The following KIAA1958 variants were observed in gnomAD, a reference collection of about 807,000 sequenced individuals.
KIAA1958 encodes KIAA1958.
KIAA1958 carries 14 observed loss-of-function variants against 47.2 expected under a neutral mutation model. The ratio of observed to expected loss-of-function variants is 0.30; its 90% confidence interval spans 0.20 to 0.46. KIAA1958 has a LOEUF of 0.46. Among genes scored for constraint, KIAA1958 ranks in the 20% least tolerant of loss-of-function variants. KIAA1958 has a pLI of 1.00. For synonymous variants in KIAA1958, 354 were observed against 353.3 expected, an observed-to-expected ratio of 1.00 and a Z score of -0.02; for missense variants, 803 against 909.2, an observed-to-expected ratio of 0.88 and a Z score of 1.50.
At chr9:112,495,344 T>C (rs1458225439) in intron 1 of KIAA1958, among the ~76,000 whole-genome samples, 1 of 152,204 alleles carries the variant, frequency 6.6e-6, no homozygotes, top group Non-Finnish European at 1.5e-5. Context: ...TGGAGAAGGT[T>C]TCTGTGATGG....
At chr9:112,642,950 T>G (rs904228661) in intron 2 of KIAA1958, among the ~76,000 whole-genome samples, 1 of 152,234 alleles carries the variant, frequency 6.6e-6, no homozygotes, top group Non-Finnish European at 1.5e-5. Context: ...GGATTTAGGT[T>G]TCCTTTTTCA....
intron 1 of KIAA1958, among the ~76,000 whole-genome samples, chr9:112,488,321 GGT>G (rs2132749371): frequency 6.6e-6 from 1 of 152,230 alleles, no homozygotes; most frequent in South Asian, 2.1e-4. Context: ...AATACTGTAG[GGT>G]GATGTTTCTG....
At chr9:112,616,238 G>A (rs181334268) in intron 2 of KIAA1958, among the ~76,000 whole-genome samples, 22 of 152,284 alleles carry the variant, frequency 1.4e-4, no homozygotes, top group African/African-American at 4.6e-4. Flanking sequence ...GCTTACTTTT[G>A]TATATTTGAA....
chr9:112,534,096 T>C (rs1018873076), intron 1 of KIAA1958, among the ~76,000 whole-genome samples: 6 of 152,186 alleles, frequency 3.9e-5, no homozygotes, highest in Non-Finnish European at 8.8e-5. Flanking sequence ...CTTAACCTCT[T>C]TGTGCCTTCA....
chr9:112,549,170 A>G (rs888591409), intron 1 of KIAA1958, among the ~76,000 whole-genome samples: 7 of 152,238 alleles, frequency 4.6e-5, no homozygotes, highest in Non-Finnish European at 8.8e-5. Context: ...GTCAAGAAAA[A>G]TATTTCATTC....
intron 1 of KIAA1958, among the ~76,000 whole-genome samples, chr9:112,503,568 G>A (rs980289141): frequency 7.6e-6 from 1 of 131,418 alleles, no homozygotes; most frequent in African/African-American, 2.9e-5. Context: ...AATGAGCTGT[G>A]TTCATACCAC....
rs1166176599 is a variant in KIAA1958, at chr9:112,618,147, A to G, written c.1172-27503A>G. ...TACCTGAAAGAACACAGGTATGGCT[A>G]TAGCATCACCAGGGATAAGGAATTC... is the stretch of plus-strand genomic sequence containing the variant. On this transcript the variant is annotated intron_variant, in intron 2 of 3. Coordinates refer to ENST00000337530, the MANE Select transcript of KIAA1958 (RefSeq NM_133465.4). This position sits in a 1 kb window ranked among gnomAD's most constrained non-coding sequence, Gnocchi z 7.1. 5.8e-6 allele frequency: 9 copies of G among 1,550,586 alleles called. No individual in the cohort carries two copies. Among genetic ancestry groups the G allele is most frequent in the Admixed American group, 2.0e-5 (1 of 50,998 alleles).
intron 1 of KIAA1958, among the ~76,000 whole-genome samples, chr9:112,564,001 G>A (rs1481482796): frequency 6.6e-6 from 1 of 152,032 alleles, no homozygotes; most frequent in African/African-American, 2.4e-5. Context: ...TTTTTCTCCT[G>A]TAGACTGCTA....
intron 2 of KIAA1958, among the ~76,000 whole-genome samples, chr9:112,634,510 C>T (rs1227965554): frequency 1.3e-5 from 2 of 152,138 alleles, no homozygotes; most frequent in East Asian, 1.9e-4. Flanking sequence ...GGATTACAGG[C>T]GTGAGCCACC....
At chr9:112,533,789 A>T (rs1834808254) in intron 1 of KIAA1958, among the ~76,000 whole-genome samples, 1 of 152,076 alleles carries the variant, frequency 6.6e-6, no homozygotes, top group Non-Finnish European at 1.5e-5. Flanking sequence ...TGAGAACAGC[A>T]TGGGGGAAAC....
At chr9:112,538,899 A>G (rs1834896855) in intron 1 of KIAA1958, among the ~76,000 whole-genome samples, 1 of 152,174 alleles carries the variant, frequency 6.6e-6, no homozygotes, top group Admixed American at 6.5e-5. Context: ...ACAAAAAGGC[A>G]TTTTTCCAGT....
At chr9:112,645,891 A>T in intron 3 of KIAA1958, 69 bp downstream of exon 3, 1 of 1,431,122 alleles carries the variant, frequency 7.0e-7, no homozygotes, top group East Asian at 2.3e-5. Flanking sequence ...GCACTGTGCT[A>T]AGCATTGTAG....
chr9:112,593,652 G>A (rs1835964807), intron 2 of KIAA1958, among the ~76,000 whole-genome samples: 3 of 151,796 alleles, frequency 2.0e-5, no homozygotes, highest in Admixed American at 2.0e-4. Flanking sequence ...GCTTCAAGCA[G>A]TCCTCCCACC....
At chr9:112,600,055 A>G (rs756287105) in intron 2 of KIAA1958, among the ~76,000 whole-genome samples, 4 of 152,228 alleles carry the variant, frequency 2.6e-5, no homozygotes, top group Non-Finnish European at 5.9e-5. Flanking sequence ...ATTTAAGAAT[A>G]TATTTTGGCC....
At chr9:112,553,453 G>A (rs967417009) in intron 1 of KIAA1958, among the ~76,000 whole-genome samples, 2 of 152,080 alleles carry the variant, frequency 1.3e-5, no homozygotes, top group Non-Finnish European at 2.9e-5. Context: ...TTTCAGGTGT[G>A]AGCCACCGCA....
intron 1 of KIAA1958, among the ~76,000 whole-genome samples, chr9:112,519,064 G>T (rs1314263678): frequency 6.6e-6 from 1 of 152,000 alleles, no homozygotes; most frequent in African/African-American, 2.4e-5. Context: ...CAAGTAGCTG[G>T]TACTATAGGC....
chr9:112,569,763 G>GGT (rs1835501367), intron 1 of KIAA1958, among the ~76,000 whole-genome samples: 1 of 151,972 alleles, frequency 6.6e-6, no homozygotes, highest in Non-Finnish European at 1.5e-5. Flanking sequence ...TGGGATCACA[G>GGT]GTGTGCGCCT....
intron 2 of KIAA1958, among the ~76,000 whole-genome samples, chr9:112,629,339 T>C (rs1241534352): frequency 1.3e-5 from 2 of 152,202 alleles, no homozygotes; most frequent in East Asian, 3.8e-4. Context: ...TATATATTTT[T>C]TCTGGCCACT....
intron 2 of KIAA1958, among the ~76,000 whole-genome samples, chr9:112,620,240 A>G (rs929557127): frequency 3.3e-5 from 5 of 152,224 alleles, no homozygotes; most frequent in Non-Finnish European, 5.9e-5. Context: ...GCCACAATAA[A>G]GCTGAGCTAG....
Sources: allele counts gnomAD v4.1 joint callset (sites outside exome capture counted in the v4.1 genomes callset), GRCh38; gene constraint gnomAD v4.1.1; non-coding constraint Gnocchi (gnomAD v3.1); transcripts MANE v1.5; gene names NCBI Gene and HGNC (gene_info 2026-07-23, HGNC 2026-07-21).